P4HA1: variants seen among roughly 807,000 people sequenced by gnomAD.
P4HA1 encodes prolyl 4-hydroxylase subunit alpha 1.
Under a neutral mutation model 72.8 loss-of-function variants are expected in P4HA1, and 24 were observed. That is an observed-to-expected ratio of 0.33 (90% CI 0.24 to 0.46). The LOEUF (loss-of-function observed/expected upper bound fraction) is 0.46. P4HA1 is among the 20% of genes least tolerant of loss of function. P4HA1 has a pLI of 1.00. For synonymous variants in P4HA1, 201 were observed against 218.8 expected, an observed-to-expected ratio of 0.92 and a Z score of 0.72; for missense variants, 446 against 640.6, an observed-to-expected ratio of 0.70 and a Z score of 3.28.
chr10:73,053,739 CA>C, intron 5 of P4HA1, 149 bp from the exon 6 acceptor site: 2 of 639,364 alleles, frequency 3.1e-6, no homozygotes, highest in South Asian at 4.0e-5. Flanking sequence ...ATTTTATAAA[CA>C]ATGGAACAAT....
intron 7 of P4HA1, among the ~76,000 whole-genome samples, chr10:73,048,742 CT>C (rs1840934783): frequency 6.6e-6 from 1 of 152,096 alleles, no homozygotes; most frequent in Non-Finnish European, 1.5e-5. Flanking sequence ...TATTACAAAA[CT>C]TGTGAATTTT....
chr10:73,066,057 T>A (rs1841413720), intron 5 of P4HA1, among the ~76,000 whole-genome samples: 1 of 152,174 alleles, frequency 6.6e-6, no homozygotes, highest in Non-Finnish European at 1.5e-5. Flanking sequence ...ACGCACCAAG[T>A]TCAGAATAGT....
intron 5 of P4HA1, among the ~76,000 whole-genome samples, chr10:73,061,354 A>C (rs745881680): frequency 3.1e-4 from 47 of 152,218 alleles, no homozygotes; most frequent in Non-Finnish European, 5.7e-4. Flanking sequence ...CCACCAAAGT[A>C]GTCAACTCCA....
rs1403753908 is a variant in P4HA1 at position 73,045,107 on chromosome 10, TTACCCAAC to T, written c.1078-64_1078-57del. On this transcript the variant is annotated intron_variant, in intron 8 of 14. Coordinates refer to ENST00000394890, the MANE Select transcript of P4HA1 (RefSeq NM_001017962.3). ...TACAAAACAAAAAACTGAATCACATTTACCCAACCAGTCAGAATTCCAGGGTTTTTACA... is the reference window on the plus strand; with the variant it reads ...TACAAAACAAAAAACTGAATCACATTCAGTCAGAATTCCAGGGTTTTTACA... 18 of 1,401,252 alleles carry T rather than the reference TTACCCAAC, an allele frequency of 1.3e-5. No individual in the cohort carries two copies. In the African/African-American group the frequency reaches 2.4e-4, roughly 19 times the overall value. 86.8% of individuals were successfully genotyped at this position (1,401,252 alleles called of 1,614,324 possible).
intron 9 of P4HA1, among the ~76,000 whole-genome samples, chr10:73,042,074 T>C (rs918461016): frequency 2.0e-5 from 3 of 152,166 alleles, no homozygotes; most frequent in African/African-American, 7.2e-5. Context: ...CGGTCTTCAT[T>C]TCTAAAGGCT....
chr10:73,030,266 C>G lies in P4HA1; in HGVS notation c.1248+5G>C. The G allele has an allele frequency of 6.9e-7, 1 of 1,445,252 alleles. No homozygotes were observed. The highest frequency in any genetic ancestry group is 9.5e-7 in the Non-Finnish European group (1 of 1,051,118). 89.5% of individuals were successfully genotyped at this position (1,445,252 alleles called of 1,614,324 possible). A position where few individuals can be genotyped will look rare whatever the true frequency, so the allele number is the denominator to read the frequency against. On this transcript the variant is annotated splice_donor_5th_base_variant and intron_variant, in intron 10 of 14. Coordinates refer to ENST00000394890, the MANE Select transcript of P4HA1 (RefSeq NM_001017962.3). ...AAATGACTTAAGGATAATGTGATTACCTACCTGTAATTCCTCTGCTGTGGA... is the reference window on the plus strand; with the variant it reads ...AAATGACTTAAGGATAATGTGATTAGCTACCTGTAATTCCTCTGCTGTGGA...
At chr10:73,092,314 T>C (rs1410717609) in intron 1 of P4HA1, among the ~76,000 whole-genome samples, 1 of 151,690 alleles carries the variant, frequency 6.6e-6, no homozygotes, top group African/African-American at 2.4e-5. Flanking sequence ...TACAGTCTAC[T>C]GGCCATATTG....
At chr10:73,028,190 C>A (rs1358855725) in intron 10 of P4HA1, among the ~76,000 whole-genome samples, 1 of 151,352 alleles carries the variant, frequency 6.6e-6, no homozygotes, top group Non-Finnish European at 1.5e-5. Flanking sequence ...TTTTAAAAAA[C>A]TGCAAGCGTT....
intron 10 of P4HA1, among the ~76,000 whole-genome samples, chr10:73,017,444 T>C (rs1411066317): frequency 6.6e-6 from 1 of 152,070 alleles, no homozygotes; most frequent in Admixed American, 6.6e-5. Flanking sequence ...GCCTCCTGAG[T>C]AGCTGGGACT....
At chr10:73,067,501 C>A (rs1396692135) in intron 5 of P4HA1, among the ~76,000 whole-genome samples, 1 of 152,196 alleles carries the variant, frequency 6.6e-6, no homozygotes, top group African/African-American at 2.4e-5. Flanking sequence ...CCTCTCTAGT[C>A]TCAGCTCTCA....
intron 1 of P4HA1, among the ~76,000 whole-genome samples, chr10:73,080,661 A>G (rs188039045): frequency 1.3e-5 from 2 of 152,168 alleles, no homozygotes; most frequent in African/African-American, 2.4e-5. Flanking sequence ...GGTGGCTCAC[A>G]CCTGTAATCC....
intron 5 of P4HA1, among the ~76,000 whole-genome samples, chr10:73,058,990 C>CTGGT (rs1159675950): frequency 2.0e-5 from 3 of 151,888 alleles, no homozygotes; most frequent in African/African-American, 7.3e-5. Context: ...ATTGGCCAGG[C>CTGGT]TGGTCTCAAA....
intron 8 of P4HA1, among the ~76,000 whole-genome samples, chr10:73,046,098 C>A (rs1840855901): frequency 6.6e-6 from 1 of 152,064 alleles, no homozygotes; most frequent in African/African-American, 2.4e-5. Context: ...GCTGCTTTTG[C>A]ACTATAATGG....
At chr10:73,046,075 C>T (rs1840855277) in intron 8 of P4HA1, among the ~76,000 whole-genome samples, 1 of 152,166 alleles carries the variant, frequency 6.6e-6, no homozygotes, top group Non-Finnish European at 1.5e-5. Flanking sequence ...CTTTCATTTA[C>T]ATATTTTCTT....
At chr10:73,087,662 C>CT (rs1030363204) in intron 1 of P4HA1, among the ~76,000 whole-genome samples, 9 of 151,930 alleles carry the variant, frequency 5.9e-5, no homozygotes, top group South Asian at 2.1e-4. Context: ...AGGTTGTTTA[C>CT]TTTTTTTAAT....
At chr10:73,036,851 A>G (rs1416083116) in intron 9 of P4HA1, among the ~76,000 whole-genome samples, 2 of 152,236 alleles carry the variant, frequency 1.3e-5, no homozygotes, top group Admixed American at 1.3e-4. Context: ...ACATTGTAAC[A>G]TTACTAAAAT....
At chr10:73,034,725 C>T (rs1288739241) in intron 9 of P4HA1, among the ~76,000 whole-genome samples, 1 of 151,504 alleles carries the variant, frequency 6.6e-6, no homozygotes, top group African/African-American at 2.4e-5. Context: ...GTAGCTGGGA[C>T]TACAGGCATG....
chr10:73,083,978 A>G (rs1841874953), intron 1 of P4HA1, among the ~76,000 whole-genome samples: 1 of 152,228 alleles, frequency 6.6e-6, no homozygotes, highest in Non-Finnish European at 1.5e-5. Flanking sequence ...AAACAAGCTA[A>G]CAAAAAAACA....
chr10:73,059,424 TAAAAA>T (rs920360586), intron 5 of P4HA1, among the ~76,000 whole-genome samples: 1 of 24,176 alleles, frequency 4.1e-5, no homozygotes, highest in Non-Finnish European at 1.0e-4. Context: ...ACAATATATT[TAAAAA>T]AAAAAAAAAA....
Sources: gnomAD v4.1 joint callset for allele counts (sites outside exome capture counted in the v4.1 genomes callset) on GRCh38, gnomAD v4.1.1 for gene constraint, MANE v1.5 for transcripts, NCBI Gene and HGNC (gene_info 2026-07-23, HGNC 2026-07-21) for gene names.